The following CGGBP1 variants were observed in gnomAD, a reference collection of about 807,000 sequenced individuals.
The protein encoded by CGGBP1 is CGG triplet repeat-binding protein 1.
In CGGBP1, 4 loss-of-function variants were observed where a neutral mutation model predicts 11.4. The ratio of observed to expected loss-of-function variants is 0.35; its 90% CI spans 0.17 to 0.80. The LOEUF is 0.80. Among genes scored for constraint, CGGBP1 ranks in the 30% least tolerant of loss-of-function variants. CGGBP1 has a pLI of 0.52. For missense variants in CGGBP1, 135 were observed against 202.1 expected, an observed-to-expected ratio of 0.67 and a Z score of 2.01; for synonymous variants, 76 against 74.1, an observed-to-expected ratio of 1.03 and a Z score of -0.13.
intron 2 of CGGBP1, among the ~76,000 whole-genome samples, chr3:88,089,139 T>C (rs1403470861): frequency 6.6e-6 from 1 of 151,716 alleles, no homozygotes; most frequent in East Asian, 1.9e-4. Flanking sequence ...TGAATTTATT[T>C]GTATTTGAAC....
rs188374108 is a variant in CGGBP1, at chr3:88,139,475, A to G, written c.-229+1495T>C. 1.8e-4 allele frequency: 297 copies of G among 1,613,796 alleles called. 2 individuals carry two copies. The African/African-American group carries it at 3.1e-3, about 17-fold the overall frequency. Reference sequence around the variant, plus strand: ...ATGTTAAGAAGATACAGAGGCAGCAAATTGCTGCAGCTCAACAGGATGATC... The same window carrying G: ...ATGTTAAGAAGATACAGAGGCAGCAGATTGCTGCAGCTCAACAGGATGATC... On this transcript the variant is annotated intron_variant, in intron 2 of 3. Transcript: ENST00000462901.
At position 88,052,524 on chromosome 3, in the gene CGGBP1, C is replaced by G. The variant is rs1208247312; in HGVS notation, c.*2949G>C. 1 of 152,574 alleles carries G rather than the reference C, an allele frequency of 6.6e-6. No individual in the cohort carries two copies. The highest frequency in any genetic ancestry group is 1.5e-5 in the Non-Finnish European group (1 of 68,024). The allele number at this position is 152,574 out of a possible 1,614,324, so 9.5% of individuals were successfully genotyped here. On this transcript the variant is annotated 3_prime_UTR_variant, in exon 4 of 4. Transcript: ENST00000482016. Reference sequence around the variant, plus strand: ...ATTAACATTCATGTGCAAATTCTTACAGGCAAAAGTTTTAACGTGGAAGTT... The same window carrying G: ...ATTAACATTCATGTGCAAATTCTTAGAGGCAAAAGTTTTAACGTGGAAGTT...
chr3:88,123,662 T>G (rs1705915700), intron 2 of CGGBP1, among the ~76,000 whole-genome samples: 2 of 152,312 alleles, frequency 1.3e-5, no homozygotes, highest in South Asian at 4.1e-4. Context: ...AAATACATCT[T>G]GACTTAGTCC....
intron 2 of CGGBP1, chr3:88,129,559 GTCA>G (rs999308601): frequency 1.7e-5 from 12 of 710,048 alleles, no homozygotes; most frequent in Non-Finnish European, 2.6e-5. Context: ...TTCTGTACAA[GTCA>G]TCATTGTCTT....
intron 2 of CGGBP1, chr3:88,128,838 C>G: frequency 6.5e-7 from 1 of 1,535,284 alleles, no homozygotes; most frequent in Non-Finnish European, 8.7e-7. Context: ...TGAAAATCCA[C>G]TGTTCTTTGA....
intron 2 of CGGBP1, among the ~76,000 whole-genome samples, chr3:88,116,905 G>A (rs889660680): frequency 2.6e-5 from 4 of 152,128 alleles, no homozygotes; most frequent in Non-Finnish European, 4.4e-5. Flanking sequence ...ACAGTTCTCT[G>A]TTCTAGATGT....
intron 2 of CGGBP1, among the ~76,000 whole-genome samples, chr3:88,088,211 G>A (rs1708436395): frequency 6.6e-6 from 1 of 152,120 alleles, no homozygotes; most frequent in South Asian, 2.1e-4. Flanking sequence ...AAATTCATCA[G>A]TCAAGAAACT....
chr3:88,115,919 G>A (rs993156514), intron 2 of CGGBP1, among the ~76,000 whole-genome samples: 2 of 152,166 alleles, frequency 1.3e-5, no homozygotes, highest in African/African-American at 4.8e-5. Context: ...CTTTATGTCA[G>A]TTGCTCAGGG....
At chr3:88,059,167 G>A (rs1302861803), upstream of CGGBP1, 7 of 1,393,884 alleles carry the variant, frequency 5.0e-6, no homozygotes, top group Non-Finnish European at 6.6e-6. Context: ...GCGTGGGTGG[G>A]CGGAGCCGGA....
chr3:88,144,273 C>A (rs1448182668), intron 1 of CGGBP1: 1 of 152,252 alleles, frequency 6.6e-6, no homozygotes, highest in African/African-American at 2.4e-5. Flanking sequence ...TAATTTATAT[C>A]ATTGAACTTG....
At chr3:88,095,397 A>C (rs1703998120) in intron 2 of CGGBP1, 1 of 331,462 alleles carries the variant, frequency 3.0e-6, no homozygotes, top group Non-Finnish European at 5.7e-6. Context: ...AGTGACAGGG[A>C]TCACCCCCTT....
At chr3:88,072,078 C>T (rs1297328770) in intron 2 of CGGBP1, among the ~76,000 whole-genome samples, 4 of 151,802 alleles carry the variant, frequency 2.6e-5, no homozygotes, top group Non-Finnish European at 5.9e-5. Context: ...AGAGGGTATT[C>T]CTTTAAGAAA....
At chr3:88,119,547 AT>A (rs1467455808) in intron 2 of CGGBP1, among the ~76,000 whole-genome samples, 5 of 151,412 alleles carry the variant, frequency 3.3e-5, no homozygotes, top group Non-Finnish European at 7.4e-5. Flanking sequence ...ATAATAATAA[AT>A]TAAAAAAAAA....
At chr3:88,089,075 A>C (rs2107672121) in intron 2 of CGGBP1, among the ~76,000 whole-genome samples, 1 of 151,854 alleles carries the variant, frequency 6.6e-6, no homozygotes, top group South Asian at 2.1e-4. Flanking sequence ...GCCTGACCTA[A>C]AAAAAACTGT....
At chr3:88,132,372 C>G (rs1242687420) in intron 2 of CGGBP1, among the ~76,000 whole-genome samples, 1 of 152,102 alleles carries the variant, frequency 6.6e-6, no homozygotes, top group Admixed American at 6.6e-5. Context: ...TGCGTTTGTA[C>G]ACTGAATGAG....
At chr3:88,082,207 A>T (rs1156843052) in intron 2 of CGGBP1, among the ~76,000 whole-genome samples, 1 of 151,694 alleles carries the variant, frequency 6.6e-6, no homozygotes, top group African/African-American at 2.4e-5. Flanking sequence ...GCTCACTGCA[A>T]CCTCTGCCTC....
At chr3:88,135,800 C>T (rs1252119712) in intron 2 of CGGBP1, among the ~76,000 whole-genome samples, 1 of 152,000 alleles carries the variant, frequency 6.6e-6, no homozygotes, top group East Asian at 1.9e-4. Context: ...AGTTTTTCCC[C>T]CAAAATATCA....
intron 2 of CGGBP1, among the ~76,000 whole-genome samples, chr3:88,065,421 A>T (rs1443932105): frequency 5.9e-5 from 9 of 152,172 alleles, no homozygotes; most frequent in Non-Finnish European, 1.2e-4. Context: ...TAGTACATAT[A>T]ATGTAATCCT....
Position 88,100,369 on chromosome 3 carries a change from T to C in CGGBP1, c.-229+40601A>G, listed in dbSNP as rs570515319. Among the ~76,000 whole-genome samples, 443 of 152,286 alleles carry C rather than the reference T, an allele frequency of 2.9e-3. 6 individuals carry two copies. Among genetic ancestry groups the C allele is most frequent in the African/African-American group, 0.01 (436 of 41,568 alleles). ...GAGAAATAGGAACACTTTTACACTGTTGGTGGGACTGTAAACTAGTTCAAC... is the reference window on the plus strand; with the variant it reads ...GAGAAATAGGAACACTTTTACACTGCTGGTGGGACTGTAAACTAGTTCAAC... On this transcript the variant is annotated intron_variant, in intron 2 of 3. Transcript: ENST00000462901.
Sources: allele counts gnomAD v4.1 joint callset (sites outside exome capture counted in the v4.1 genomes callset), GRCh38; gene constraint gnomAD v4.1.1; transcripts MANE v1.5; gene names NCBI Gene and HGNC (gene_info 2026-07-23, HGNC 2026-07-21).